Variants in ADAMTS3 observed in about 807,000 individuals in gnomAD.
ADAMTS3 encodes the protein ADAM metallopeptidase with thrombospondin type 1 motif 3.
In ADAMTS3, 73 loss-of-function variants were observed where a neutral mutation model predicts 129.0. The observed-to-expected ratio is 0.57, with a 90% CI of 0.47 to 0.69. The LOEUF is 0.69. Among genes scored for constraint, ADAMTS3 ranks in the 30% least tolerant of loss-of-function variants. The pLI is 0.00. For synonymous variants in ADAMTS3, 477 were observed against 510.8 expected (o/e 0.93, Z 0.89); for missense variants, 1,457 against 1,514.5 (o/e 0.96, Z 0.63).
At chr4:72,309,591 T>A in intron 14 of ADAMTS3, 71 bp from the exon 15 acceptor site, 1 of 1,558,596 alleles carries the variant, frequency 6.4e-7, no homozygotes, top group Non-Finnish European at 8.8e-7. Flanking sequence ...CAGAGAATGA[T>A]GAACCCTTTG....
intron 3 of ADAMTS3, among the ~76,000 whole-genome samples, chr4:72,447,705 A>G (rs930212830): frequency 6.6e-6 from 1 of 151,758 alleles, no homozygotes; most frequent in African/African-American, 2.4e-5. Flanking sequence ...TCATCTACAC[A>G]TTTTGCAGTA....
intron 4 of ADAMTS3, among the ~76,000 whole-genome samples, chr4:72,403,987 C>T (rs1479269100): frequency 6.6e-6 from 1 of 151,962 alleles, no homozygotes; most frequent in East Asian, 1.9e-4. Context: ...ATATTACATA[C>T]TAGAATTCTT....
chr4:72,568,229 C>T (rs2109813963), intron 1 of ADAMTS3, among the ~76,000 whole-genome samples: 1 of 152,252 alleles, frequency 6.6e-6, no homozygotes, highest in African/African-American at 2.4e-5. Context: ...CCCCCGCCTC[C>T]GGCTGCCCGA....
chr4:72,439,043 G>A (rs945150334), intron 3 of ADAMTS3, among the ~76,000 whole-genome samples: 9 of 151,724 alleles, frequency 5.9e-5, no homozygotes, highest in African/African-American at 1.9e-4. Flanking sequence ...AATCTTCTCA[G>A]TAGCATATAC....
chr4:72,478,160 GAA>G (rs1191196373), intron 3 of ADAMTS3, among the ~76,000 whole-genome samples: 2 of 152,152 alleles, frequency 1.3e-5, no homozygotes. Context: ...CCAATCAACA[GAA>G]AAAGAGGGAA....
At chr4:72,531,998 C>A in intron 3 of ADAMTS3, among the ~76,000 whole-genome samples, 1 of 148,072 alleles carries the variant, frequency 6.8e-6, no homozygotes, top group Admixed American at 6.8e-5. Flanking sequence ...GGTACTGAGT[C>A]AAACTGGCAG....
At chr4:72,342,778 A>T (rs1342647475) in intron 4 of ADAMTS3, among the ~76,000 whole-genome samples, 1 of 152,144 alleles carries the variant, frequency 6.6e-6, no homozygotes. Flanking sequence ...AACCAAATGC[A>T]TGACTCATGA....
chr4:72,305,726 C>T (rs757275762), intron 16 of ADAMTS3, among the ~76,000 whole-genome samples: 2 of 151,854 alleles, frequency 1.3e-5, no homozygotes, highest in East Asian at 1.9e-4. Context: ...CTTACATATA[C>T]GTATGCACAT....
rs377295312 is a variant in ADAMTS3 at position 72,311,105 on chromosome 4, A to G, written c.1998T>C (p.Asp666=). 282 of 1,612,702 alleles carry G rather than the reference A, an allele frequency of 1.7e-4. No homozygotes were observed. The highest frequency in any genetic ancestry group is 5.3e-5 in the Non-Finnish European group (63 of 1,179,130). The change falls in exon 14 of 22, where the codon GAT becomes GAC. Residue 666 remains aspartate (D), a synonymous_variant. Coordinates refer to ENST00000286657, the MANE Select transcript of ADAMTS3 (RefSeq NM_014243.3). ...DVAYMKQLVH[D]GTHCSYKDPY... Reference sequence around the variant, plus strand: ...GATCTTTGTAAGAACAGTGCGTTCCATCATGCACCAGTTGTTTCATGTAAG... The same window carrying G: ...GATCTTTGTAAGAACAGTGCGTTCCGTCATGCACCAGTTGTTTCATGTAAG...
chr4:72,450,327 G>A (rs960908632), intron 3 of ADAMTS3, among the ~76,000 whole-genome samples: 1 of 151,608 alleles, frequency 6.6e-6, no homozygotes, highest in Non-Finnish European at 1.5e-5. Context: ...TGCTCCAGGA[G>A]CCACATGGCC....
At chr4:72,563,489 A>C (rs1721953114) in intron 2 of ADAMTS3, among the ~76,000 whole-genome samples, 1 of 152,158 alleles carries the variant, frequency 6.6e-6, no homozygotes, top group East Asian at 1.9e-4. Context: ...AATGATCCCA[A>C]GTAGGCTGTA....
chr4:72,466,108 G>A (rs572255843), intron 3 of ADAMTS3, among the ~76,000 whole-genome samples: 1 of 152,180 alleles, frequency 6.6e-6, no homozygotes, highest in East Asian at 1.9e-4. Context: ...GGTAGAATGT[G>A]ATAATGCAAG....
intron 3 of ADAMTS3, among the ~76,000 whole-genome samples, chr4:72,545,203 C>T (rs1320386001): frequency 1.3e-5 from 2 of 152,048 alleles, no homozygotes; most frequent in South Asian, 2.1e-4. Context: ...AAAGGCTTGA[C>T]ATATGTATGA....
intron 4 of ADAMTS3, among the ~76,000 whole-genome samples, chr4:72,372,573 G>C (rs1379391565): frequency 2.6e-5 from 4 of 151,824 alleles, no homozygotes. Context: ...AATCTTTCCA[G>C]AAATCTAAAA....
intron 3 of ADAMTS3, among the ~76,000 whole-genome samples, chr4:72,546,131 A>G (rs1043597478): frequency 6.6e-6 from 1 of 152,206 alleles, no homozygotes; most frequent in African/African-American, 2.4e-5. Context: ...GCAGCTGCCC[A>G]CAAAGACTTC....
At chr4:72,474,842 C>T (rs1002106710) in intron 3 of ADAMTS3, among the ~76,000 whole-genome samples, 5 of 151,492 alleles carry the variant, frequency 3.3e-5, no homozygotes, top group South Asian at 2.1e-4. Context: ...CCGGCTAAAA[C>T]GGTGAAACCC....
intron 5 of ADAMTS3, among the ~76,000 whole-genome samples, chr4:72,325,155 G>T: frequency 6.6e-6 from 1 of 151,954 alleles, no homozygotes; most frequent in East Asian, 1.9e-4. Flanking sequence ...TATGGAAAAG[G>T]GGTTTGATTC....
At chr4:72,526,680 A>G (rs1720816821) in intron 3 of ADAMTS3, among the ~76,000 whole-genome samples, 1 of 145,248 alleles carries the variant, frequency 6.9e-6, no homozygotes, top group Non-Finnish European at 1.5e-5. Flanking sequence ...ATACACATGC[A>G]TATCTTTGTA....
chr4:72,504,028 A>C (rs544432606), intron 3 of ADAMTS3, among the ~76,000 whole-genome samples: 46 of 152,228 alleles, frequency 3.0e-4, no homozygotes, highest in African/African-American at 1.1e-3. Flanking sequence ...CAGCAGATGG[A>C]TGGGTCTTGC....
Sources: gnomAD v4.1 joint callset for allele counts (sites outside exome capture counted in the v4.1 genomes callset) on GRCh38, gnomAD v4.1.1 for gene constraint, MANE v1.5 for transcripts, NCBI Gene and HGNC (gene_info 2026-07-23, HGNC 2026-07-21) for gene names.